BRINP1: variants seen among roughly 807,000 people sequenced by gnomAD.
The protein encoded by BRINP1 is BMP/retinoic acid inducible neural specific 1, also known as BMP/retinoic acid-inducible neural-specific protein 1.
BRINP1 carries 17 observed loss-of-function variants against 72.9 expected under a neutral mutation model. The ratio of observed to expected loss-of-function variants is 0.23; its 90% CI spans 0.16 to 0.35. BRINP1 has a LOEUF of 0.35. BRINP1 is among the 10% of genes least tolerant of loss of function. BRINP1 has a pLI of 1.00. For synonymous variants in BRINP1, 418 were observed against 378.5 expected (o/e 1.10, Z -1.21); for missense variants, 850 against 1,001.6 (o/e 0.85, Z 2.04).
Position 119,322,125 on chromosome 9 carries a change from C to G in BRINP1, c.-50-8720G>C, listed in dbSNP as rs184578655. ...GGCCACATCTCCCAAGCCCCATGCC[C>G]TAGCAACAGTCTTGAATATCTACTA... On this transcript the variant is annotated intron_variant, in intron 1 of 7. Coordinates refer to ENST00000265922, the MANE Select transcript of BRINP1 (RefSeq NM_014618.3). Among the ~76,000 whole-genome samples, 93 of 152,388 alleles carry G rather than the reference C, an allele frequency of 6.1e-4. 1 individual carries two copies. Among genetic ancestry groups the G allele is most frequent in the Admixed American group, 2.6e-4 (4 of 15,314 alleles).
chr9:119,179,339 G>A (rs560420515), intron 7 of BRINP1, among the ~76,000 whole-genome samples: 19 of 152,292 alleles, frequency 1.2e-4, no homozygotes, highest in South Asian at 1.2e-3. Flanking sequence ...TCTGATAGGG[G>A]GCTGAGAGGA....
At chr9:119,276,026 C>G (rs899310379) in intron 2 of BRINP1, among the ~76,000 whole-genome samples, 1 of 151,960 alleles carries the variant, frequency 6.6e-6, no homozygotes, top group African/African-American at 2.4e-5. Flanking sequence ...TTCCTTGTCT[C>G]CTTCATTTCC....
chr9:119,230,314 C>G (rs1045652338), intron 5 of BRINP1, among the ~76,000 whole-genome samples: 14 of 152,130 alleles, frequency 9.2e-5, no homozygotes, highest in African/African-American at 3.4e-4. Context: ...CCAAAACTTT[C>G]ACGGAGGCTG....
At chr9:119,270,745 CAGTTG>C (rs1830598086) in intron 2 of BRINP1, among the ~76,000 whole-genome samples, 1 of 152,098 alleles carries the variant, frequency 6.6e-6, no homozygotes, top group African/African-American at 2.4e-5. Context: ...GTCCAGTGTG[CAGTTG>C]AGTTGACAAA....
At chr9:119,230,915 A>G (rs1305227090) in intron 5 of BRINP1, among the ~76,000 whole-genome samples, 1 of 151,986 alleles carries the variant, frequency 6.6e-6, no homozygotes, top group Non-Finnish European at 1.5e-5. Flanking sequence ...CTACCCTCCC[A>G]TCTCCTAATG....
chr9:119,312,888 A>G (rs1396714218), intron 2 of BRINP1, among the ~76,000 whole-genome samples: 1 of 152,220 alleles, frequency 6.6e-6, no homozygotes, highest in Non-Finnish European at 1.5e-5. Context: ...GAGATAATAT[A>G]TAATACGTAT....
intron 2 of BRINP1, among the ~76,000 whole-genome samples, chr9:119,305,446 C>G (rs1347653011): frequency 1.3e-5 from 2 of 152,200 alleles, no homozygotes; most frequent in Non-Finnish European, 1.5e-5. Flanking sequence ...TGAAGCTGCT[C>G]TCCAACCTTA....
At chr9:119,184,299 C>T (rs1829591942) in intron 7 of BRINP1, among the ~76,000 whole-genome samples, 3 of 152,132 alleles carry the variant, frequency 2.0e-5, no homozygotes, top group South Asian at 2.1e-4. Flanking sequence ...CATCTCCTTG[C>T]CCCTCACCTA....
chr9:119,243,442 C>T (rs1830279261), intron 3 of BRINP1, among the ~76,000 whole-genome samples: 1 of 152,140 alleles, frequency 6.6e-6, no homozygotes, highest in Admixed American at 6.5e-5. Flanking sequence ...TTTTCTTTAT[C>T]CAGTCTATCA....
intron 2 of BRINP1, among the ~76,000 whole-genome samples, chr9:119,272,348 G>A (rs570583758): frequency 2.1e-4 from 32 of 152,186 alleles, no homozygotes; most frequent in South Asian, 4.2e-4. Context: ...CTCCCAAAGC[G>A]CTGGGATTAT....
chr9:119,207,514 C>T (rs1025728360), intron 7 of BRINP1, among the ~76,000 whole-genome samples: 2 of 152,196 alleles, frequency 1.3e-5, no homozygotes, highest in African/African-American at 4.8e-5. Context: ...CTTTTGAAGT[C>T]ACATATTTCT....
intron 1 of BRINP1, among the ~76,000 whole-genome samples, chr9:119,349,495 T>A (rs4837632): frequency 0.43 from 65,884 of 152,008 alleles, 14,515 homozygotes; most frequent in African/African-American, 0.45. Flanking sequence ...GAAACCGAGA[T>A]GCGTTACAAG....
rs549840668 is a variant in BRINP1, at chr9:119,363,298, T to C, written c.-51+5758A>G. Among the ~76,000 whole-genome samples, 5 of 152,216 alleles carry C rather than the reference T, an allele frequency of 3.3e-5. No individual in the cohort carries two copies. In the South Asian group the frequency reaches 1.0e-3, roughly 32 times the overall value. On this transcript the variant is annotated intron_variant, in intron 1 of 7. Coordinates refer to ENST00000265922, the MANE Select transcript of BRINP1 (RefSeq NM_014618.3). ...TATTATTGTTGTAGAAATGGGGTCT[T>C]GTTATGTTTCCCAGGCTGGTCTCAA... is the stretch of plus-strand genomic sequence containing the variant.
intron 6 of BRINP1, chr9:119,213,671 TG>T: frequency 1.7e-6 from 1 of 590,450 alleles, no homozygotes; most frequent in South Asian, 2.1e-5. Context: ...TTCTGTCTTC[TG>T]GGTACGACAG....
At chr9:119,298,545 A>C (rs1204479878) in intron 2 of BRINP1, among the ~76,000 whole-genome samples, 1 of 151,730 alleles carries the variant, frequency 6.6e-6, no homozygotes, top group African/African-American at 2.4e-5. Context: ...TGAACATGTC[A>C]GCACATGACT....
intron 7 of BRINP1, among the ~76,000 whole-genome samples, chr9:119,187,628 A>G (rs1829638212): frequency 6.6e-6 from 1 of 152,220 alleles, no homozygotes; most frequent in South Asian, 2.1e-4. Context: ...ATGCACAGAT[A>G]TAAACATAAG....
intron 3 of BRINP1, among the ~76,000 whole-genome samples, chr9:119,246,533 G>A (rs914646): frequency 0.21 from 31,344 of 152,096 alleles, 3,467 homozygotes; most frequent in Admixed American, 0.26. Context: ...CCTTGTGATC[G>A]TGTGAGTCAA....
chr9:119,321,228 G>T (rs923154086), intron 1 of BRINP1, among the ~76,000 whole-genome samples: 2 of 152,152 alleles, frequency 1.3e-5, no homozygotes, highest in African/African-American at 4.8e-5. Flanking sequence ...ACCGCACCCG[G>T]CCATTGGTCC....
intron 2 of BRINP1, among the ~76,000 whole-genome samples, chr9:119,304,437 G>T (rs866180788): frequency 4.6e-5 from 7 of 152,162 alleles, no homozygotes; most frequent in Non-Finnish European, 8.8e-5. Context: ...AGGTGAGCGG[G>T]GAAGAGTCAG....
Sources: gnomAD v4.1 joint callset for allele counts (sites outside exome capture counted in the v4.1 genomes callset) on GRCh38, gnomAD v4.1.1 for gene constraint, MANE v1.5 for transcripts, NCBI Gene and HGNC (gene_info 2026-07-23, HGNC 2026-07-21) for gene names.